The following PPP1R10 variants were observed in gnomAD, a reference collection of about 807,000 sequenced individuals.
PPP1R10 encodes the protein protein phosphatase 1 regulatory subunit 10.
A neutral mutation model predicts 99.0 loss-of-function variants in PPP1R10; 15 were observed. The ratio of observed to expected loss-of-function variants is 0.15; its 90% CI spans 0.10 to 0.23. The LOEUF (loss-of-function observed/expected upper bound fraction) is 0.23, where lower values mean the gene tolerates loss of function less well. PPP1R10 is among the 10% of genes least tolerant of loss of function. The pLI, the probability that PPP1R10 is intolerant of heterozygous loss-of-function variation, is 1.00. For synonymous variants in PPP1R10, 430 were observed against 449.5 expected, an observed-to-expected ratio of 0.96 and a Z score of 0.55; for missense variants, 947 against 1,259.4, an observed-to-expected ratio of 0.75 and a Z score of 3.75.
At chr6:30,607,981 T>TG in intron 5 of PPP1R10, 90 bp from the exon 6 acceptor site, 1 of 1,118,676 alleles carries the variant, frequency 8.9e-7, no homozygotes, top group African/African-American at 1.6e-5. Flanking sequence ...CAGTCCTCCC[T>TG]GCTTTTTTTT....
rs1309499725 is a variant in PPP1R10, at chr6:30,604,338, G to A, written c.1261+15C>T. 3.1e-6 allele frequency: 5 copies of A among 1,614,100 alleles called. No individual in the cohort carries two copies. The highest frequency in any genetic ancestry group is 2.5e-6 in the Non-Finnish European group (3 of 1,179,994). Reference sequence around the variant, plus strand: ...TCCCTTAAACACACCTATTACGTAGGAAATGACCTCTTACCTCGTTCAGTT... The same window carrying A: ...TCCCTTAAACACACCTATTACGTAGAAAATGACCTCTTACCTCGTTCAGTT... On this transcript the variant is annotated intron_variant, in intron 13 of 19. Transcript: ENST00000376511. The surrounding 1 kb of genome is among the most constrained non-coding windows in gnomAD (Gnocchi z 7.3).
intron 2 of PPP1R10, among the ~76,000 whole-genome samples, chr6:30,612,623 AT>A (rs2127449869): frequency 6.6e-6 from 1 of 152,352 alleles, no homozygotes; most frequent in South Asian, 2.1e-4. Flanking sequence ...ACCAATCTTG[AT>A]AAAATGTAAG....
rs1803590452 is a variant in PPP1R10, at chr6:30,603,508, T to G, written c.1731A>C (p.Gly577=). The G allele has an allele frequency of 1.2e-6, 2 of 1,612,620 alleles. No individual in the cohort carries two copies. Among genetic ancestry groups the G allele is most frequent in the Admixed American group, 1.7e-5 (1 of 59,676 alleles). ...TGAGGATCTCTTGGACATTAATGCCTCCTCCTCCAGGGCCTTGGGGGCCCT... is the reference window on the plus strand; with the variant it reads ...TGAGGATCTCTTGGACATTAATGCCGCCTCCTCCAGGGCCTTGGGGGCCCT... ...AGKGPQGPGG[G]GINVQEILTS... The change falls in exon 16 of 20, where the codon GGA becomes GGC. Residue 577 remains glycine, a synonymous_variant. Transcript: ENST00000376511.
rs1803636292 is a variant in PPP1R10 at position 30,603,835 on chromosome 6, T to C, written c.1517A>G (p.Glu506Gly). The change falls in exon 15 of 20, where the codon GAG becomes GGG. Residue 506 changes from glutamate (E) to glycine (G), a missense_variant. Physicochemically the swap from Glu to Gly is moderately conservative, Grantham distance 98. Coordinates refer to ENST00000376511, the MANE Select transcript of PPP1R10 (RefSeq NM_002714.4). ...GGGCTCGTAGGGCTCAGGATCAGGCTCATGAGGACTATCAGGAACAACACA... is the reference window on the plus strand; with the variant it reads ...GGGCTCGTAGGGCTCAGGATCAGGCCCATGAGGACTATCAGGAACAACACA... ...ELFLNKESPH[E>G]PDPEPYEPIP... is the part of the protein sequence containing the mutation. 1 of 1,537,080 alleles carries C rather than the reference T, an allele frequency of 6.5e-7. No homozygotes were observed. The highest frequency in any genetic ancestry group is 8.7e-7 in the Non-Finnish European group (1 of 1,144,364).
rs1248331362 is a variant in PPP1R10 at position 30,603,261 on chromosome 6, C to T, written c.1792G>A (p.Glu598Lys). 2 of 1,613,654 alleles carry T rather than the reference C, an allele frequency of 1.2e-6. No individual in the cohort carries two copies. Among genetic ancestry groups the T allele is most frequent in the African/African-American group, 2.7e-5 (2 of 74,902 alleles). Residue 598 changes from glutamate to lysine, a missense_variant, in exon 17 of 20, where the codon GAG becomes AAG. Physicochemically the swap from Glu to Lys is moderately conservative, Grantham distance 56. Around this residue, in one of 10 missense-constraint regions of PPP1R10, gnomAD observed 525 missense variants for 578.8 expected, o/e 0.91. Transcript: ENST00000376511. ...TAGTCTGGTTGTTTCAGTAGTTCCT[C>T]TGAAGGATGACTGTTTGGGCTACCC... ...IMGSPNSHPS[E>K]ELLKQPDYSD...
rs1180934270 is a variant in PPP1R10, at chr6:30,601,518, G to C, written c.*31C>G. On this transcript the variant is annotated 3_prime_UTR_variant, in exon 20 of 20. Coordinates refer to ENST00000376511, the MANE Select transcript of PPP1R10 (RefSeq NM_002714.4). ...GAAAGAGCGAGGCTGCAGTCCACAG[G>C]GGTTGTGTGAACAGGGCAGGCAAAT... The C allele has an allele frequency of 1.9e-6, 3 of 1,571,648 alleles. No homozygotes were observed. Among genetic ancestry groups the C allele is most frequent in the Admixed American group, 1.7e-5 (1 of 59,892 alleles).
At position 30,606,995 on chromosome 6, in the gene PPP1R10, G is replaced by A; in HGVS notation, c.383-139C>T. ...ACCCAAAGTTTTAAGAAGAACATGA[G>A]ATATGCTTAAAAACCAAACCCTTAA... On this transcript the variant is annotated intron_variant, in intron 6 of 19. Coordinates refer to ENST00000376511, the MANE Select transcript of PPP1R10 (RefSeq NM_002714.4). The surrounding 1 kb of genome is among the most constrained non-coding windows in gnomAD (Gnocchi z 6.3). 1 of 756,470 alleles carries A rather than the reference G, an allele frequency of 1.3e-6. No individual in the cohort carries two copies. The highest frequency in any genetic ancestry group is 2.2e-6 in the Non-Finnish European group (1 of 458,500). 46.9% of individuals were successfully genotyped at this position (756,470 alleles called of 1,614,324 possible).
At chr6:30,615,113 G>A (rs900465887) in intron 2 of PPP1R10, among the ~76,000 whole-genome samples, 3 of 151,830 alleles carry the variant, frequency 2.0e-5, no homozygotes, top group African/African-American at 4.8e-5. Flanking sequence ...GGCAAAAGGG[G>A]GAGAAAAACA....
At position 30,606,423 on chromosome 6, in the gene PPP1R10, G is replaced by A; in HGVS notation, c.634+45C>T. 1.2e-6 allele frequency: 2 copies of A among 1,605,830 alleles called. No individual in the cohort carries two copies. Among genetic ancestry groups the A allele is most frequent in the Non-Finnish European group, 8.5e-7 (1 of 1,175,564 alleles). ...ATGATTCCCCCATAAGGCTCTGGGTGTGCACATGCCCATGAACCCTCCAGA... is the reference window on the plus strand; with the variant it reads ...ATGATTCCCCCATAAGGCTCTGGGTATGCACATGCCCATGAACCCTCCAGA... On this transcript the variant is annotated intron_variant, in intron 8 of 19. Coordinates refer to ENST00000376511, the MANE Select transcript of PPP1R10 (RefSeq NM_002714.4). The surrounding 1 kb of genome is among the most constrained non-coding windows in gnomAD (Gnocchi z 6.3).
At chr6:30,610,632 C>A (rs899611281) in intron 2 of PPP1R10, among the ~76,000 whole-genome samples, 2 of 152,206 alleles carry the variant, frequency 1.3e-5, no homozygotes, top group Non-Finnish European at 2.9e-5. Flanking sequence ...TCCTCCTAGA[C>A]CTTGAATAGA....
Position 30,603,601 on chromosome 6 carries a change from A to G in PPP1R10, c.1638T>C (p.Pro546=). The G allele has an allele frequency of 6.2e-7, 1 of 1,613,996 alleles. No homozygotes were observed. Among genetic ancestry groups the G allele is most frequent in the South Asian group, 1.1e-5 (1 of 91,066 alleles). Residue 546 remains proline, a synonymous_variant, in exon 16 of 20, where the codon CCT becomes CCC. Coordinates refer to ENST00000376511, the MANE Select transcript of PPP1R10 (RefSeq NM_002714.4). The part of the protein sequence containing the change: ...TLEPGGSGGS[P]DGAGGSKLPP... The stretch of plus-strand genomic sequence containing the variant: ...GCAACTTGGAGCCTCCTGCCCCATC[A>G]GGTGAGCCACCTGACCCCCCAGGTT...
rs763427297 is a variant in PPP1R10, at chr6:30,604,436, C to A, written c.1178G>T (p.Gly393Val). Reference sequence around the variant, plus strand: ...CCATGTCACACTTTTCCTCTTCCTGCCTTTCCGGGTCAGTTGGTTAGGATC... The same window carrying A: ...CCATGTCACACTTTTCCTCTTCCTGACTTTCCGGGTCAGTTGGTTAGGATC... ...PGDPNQLTRK[G>V]RKRKSVTWPE... The change falls in exon 13 of 20, where the codon GGC (glycine) becomes GTC (valine). Residue 393 changes from glycine (G) to valine (V), a missense_variant. Coordinates refer to ENST00000376511, the MANE Select transcript of PPP1R10 (RefSeq NM_002714.4). This position sits in a 1 kb window ranked among gnomAD's most constrained non-coding sequence, Gnocchi z 7.3. 1.2e-6 allele frequency: 2 copies of A among 1,613,378 alleles called. No individual in the cohort carries two copies. The highest frequency in any genetic ancestry group is 2.2e-5 in the South Asian group (2 of 91,084).
At chr6:30,610,300 A>C (rs1804429459) in intron 2 of PPP1R10, among the ~76,000 whole-genome samples, 1 of 152,130 alleles carries the variant, frequency 6.6e-6, no homozygotes, top group African/African-American at 2.4e-5. Flanking sequence ...CCATAACAAG[A>C]TGTTCAACTC....
chr6:30,605,721 G>A (rs1294654054), intron 10 of PPP1R10: 15 of 573,854 alleles, frequency 2.6e-5, no homozygotes, highest in African/African-American at 9.5e-5. Context: ...TTAGCCGGGC[G>A]TGGTGGCGGG....
chr6:30,602,625 C>T lies in PPP1R10; in HGVS notation c.2024G>A (p.Gly675Glu), dbSNP rs1486980154. 1.6e-5 allele frequency: 25 copies of T among 1,594,090 alleles called. No homozygotes were observed. The highest frequency in any genetic ancestry group is 2.1e-5 in the Non-Finnish European group (25 of 1,172,374). Residue 675 changes from glycine (G) to glutamate (E), a missense_variant, in exon 19 of 20, where the codon GGA (glycine) becomes GAA (glutamate). Physicochemically the swap from Gly to Glu is moderately conservative, Grantham distance 98 (BLOSUM62 -2). Around this residue, in one of 10 missense-constraint regions of PPP1R10, gnomAD observed 525 missense variants for 578.8 expected, o/e 0.91. Transcript: ENST00000376511. This position sits in a 1 kb window ranked among gnomAD's most constrained non-coding sequence, Gnocchi z 6.7. ...CGGGCCATCCCAGAAGGGATCACCT[C>T]CCCGGGGAGGGGGTGGAGGACCCAG... is the stretch of plus-strand genomic sequence containing the variant. Reference protein sequence around the residue: ...RLLGPPPPPRGGDPFWDGPGD... With the variant: ...RLLGPPPPPREGDPFWDGPGD...
chr6:30,606,077 C>G lies in PPP1R10; in HGVS notation c.741-42G>C, dbSNP rs372003141. On this transcript the variant is annotated intron_variant, in intron 9 of 19. Transcript: ENST00000376511. The surrounding 1 kb of genome is among the most constrained non-coding windows in gnomAD (Gnocchi z 6.3). ...TGTCATCAACATCTCCGACTCACCC[C>G]CTCCTGCTCCCTTGTGTCCACAGAT... The G allele has an allele frequency of 2.6e-5, 42 of 1,612,510 alleles. No homozygotes were observed. Among genetic ancestry groups the G allele is most frequent in the East Asian group, 8.9e-5 (4 of 44,884 alleles).
At chr6:30,612,180 G>A (rs924201760) in intron 2 of PPP1R10, among the ~76,000 whole-genome samples, 3 of 152,058 alleles carry the variant, frequency 2.0e-5, no homozygotes, top group African/African-American at 7.2e-5. Context: ...TTTGACAAAA[G>A]GCCTTGAATT....
chr6:30,603,859 C>G lies in PPP1R10; in HGVS notation c.1509-16G>C. ...CTCATGAGGACTATCAGGAACAACACAGGTGAGAGAAAAAAGAATGATAGT... is the reference window on the plus strand; with the variant it reads ...CTCATGAGGACTATCAGGAACAACAGAGGTGAGAGAAAAAAGAATGATAGT... On this transcript the variant is annotated splice_polypyrimidine_tract_variant and intron_variant, in intron 14 of 19. Transcript: ENST00000376511. The G allele has an allele frequency of 6.5e-7, 1 of 1,528,860 alleles. No individual in the cohort carries two copies. Among genetic ancestry groups the G allele is most frequent in the Non-Finnish European group, 8.8e-7 (1 of 1,141,058 alleles). The allele number at this position is 1,528,860 out of a possible 1,614,324, so 94.7% of individuals were successfully genotyped here. A position where few individuals can be genotyped will look rare whatever the true frequency, so the allele number is the denominator to read the frequency against.
In PPP1R10 at chr6:30,602,782, C is replaced by A; in HGVS notation, c.1957+64G>T. Reference sequence around the variant, plus strand: ...ACCACCTCCCACCTTCCAGTCAATCCTATACTATTATCAGACTGAAATTAA... The same window carrying A: ...ACCACCTCCCACCTTCCAGTCAATCATATACTATTATCAGACTGAAATTAA... On this transcript the variant is annotated intron_variant, in intron 18 of 19. Coordinates refer to ENST00000376511, the MANE Select transcript of PPP1R10 (RefSeq NM_002714.4). This position sits in a 1 kb window ranked among gnomAD's most constrained non-coding sequence, Gnocchi z 6.7. 6.5e-7 allele frequency: 1 copy of A among 1,549,152 alleles called. No individual in the cohort carries two copies. The highest frequency in any genetic ancestry group is 1.2e-5 in the South Asian group (1 of 84,910).
Sources: allele counts gnomAD v4.1 joint callset (sites outside exome capture counted in the v4.1 genomes callset), GRCh38; gene constraint gnomAD v4.1.1; regional missense constraint gnomAD v4.1.1; non-coding constraint Gnocchi (gnomAD v3.1); transcripts MANE v1.5; gene names NCBI Gene and HGNC (gene_info 2026-07-23, HGNC 2026-07-21).